UBR3: variants seen among roughly 807,000 people sequenced by gnomAD.
UBR3 encodes ubiquitin protein ligase E3 component n-recognin 3.
In UBR3, 85 loss-of-function variants were observed where a neutral mutation model predicts 243.2. The ratio of observed to expected loss-of-function variants is 0.35; its 90% confidence interval spans 0.29 to 0.42. The LOEUF is 0.42. Among genes scored for constraint, UBR3 ranks in the 10% least tolerant of loss-of-function variants. UBR3 has a pLI of 1.00. For missense variants in UBR3, 1,686 were observed against 2,300.8 expected (o/e 0.73, Z 5.47); for synonymous variants, 748 against 799.8 (o/e 0.94, Z 1.09).
At chr2:170,077,539 A>C in intron 36 of UBR3, 1 of 766,926 alleles carries the variant, frequency 1.3e-6, no homozygotes, top group Non-Finnish European at 2.1e-6. Flanking sequence ...ATCTCCAACA[A>C]AGCAGACTTT....
chr2:170,042,348 A>G (rs2090989138), intron 32 of UBR3, among the ~76,000 whole-genome samples: 1 of 152,112 alleles, frequency 6.6e-6, no homozygotes, highest in Non-Finnish European at 1.5e-5. Context: ...GATATACAAC[A>G]TGGTTTATCC....
chr2:169,924,147 C>G lies in UBR3; in HGVS notation c.1996C>G (p.Leu666Val). 1 of 1,547,466 alleles carries G rather than the reference C, an allele frequency of 6.5e-7. No homozygotes were observed. The highest frequency in any genetic ancestry group is 8.7e-7 in the Non-Finnish European group (1 of 1,145,834). The change falls in exon 13 of 39, where the codon CTA becomes GTA. Residue 666 changes from leucine to valine, a missense_variant. This residue lies in a region of UBR3 where 346 missense variants were observed against 585.8 expected (regional missense o/e 0.59). Coordinates refer to ENST00000272793, the MANE Select transcript of UBR3 (RefSeq NM_172070.4). ...VLPDQEMLMK[L>V]MIHPLQIQAS... ...ACCAGATCAGGAAATGTTAATGAAACTAATGATTCACCCACTCCAAATTCA... is the reference window on the plus strand; with the variant it reads ...ACCAGATCAGGAAATGTTAATGAAAGTAATGATTCACCCACTCCAAATTCA...
At chr2:169,863,339 A>G (rs2105303812) in intron 1 of UBR3, among the ~76,000 whole-genome samples, 1 of 152,346 alleles carries the variant, frequency 6.6e-6, no homozygotes, top group East Asian at 1.9e-4. Flanking sequence ...TGAGTTGCAT[A>G]CTTAACCTTT....
At chr2:170,040,819 A>G in intron 31 of UBR3, 63 bp from the exon 32 acceptor site, 1 of 1,223,766 alleles carries the variant, frequency 8.2e-7, no homozygotes. Flanking sequence ...TATGTGACAT[A>G]TAAAATAAAT....
chr2:170,059,564 GT>G (rs2091414885), intron 33 of UBR3, among the ~76,000 whole-genome samples: 1 of 152,100 alleles, frequency 6.6e-6, no homozygotes, highest in Non-Finnish European at 1.5e-5. Flanking sequence ...ATACATTGCT[GT>G]TTTGATATTT....
intron 24 of UBR3, among the ~76,000 whole-genome samples, chr2:169,970,948 A>G (rs1311937162): frequency 7.0e-6 from 1 of 142,032 alleles, no homozygotes; most frequent in African/African-American, 2.6e-5. Flanking sequence ...CCAACAGTGT[A>G]AAAGTGTTCC....
At chr2:169,855,612 A>C (rs2082815071) in intron 1 of UBR3, among the ~76,000 whole-genome samples, 1 of 152,108 alleles carries the variant, frequency 6.6e-6, no homozygotes, top group Non-Finnish European at 1.5e-5. Flanking sequence ...ACCGCCCTTA[A>C]TCCATTTAAC....
At chr2:169,873,249 C>T (rs1002548907) in intron 2 of UBR3, among the ~76,000 whole-genome samples, 39 of 152,026 alleles carry the variant, frequency 2.6e-4, no homozygotes, top group African/African-American at 8.9e-4. Flanking sequence ...ATATAATGTC[C>T]TCATTTCTAA....
chr2:169,941,597 T>C (rs952553760), intron 19 of UBR3, among the ~76,000 whole-genome samples: 2 of 152,246 alleles, frequency 1.3e-5, no homozygotes, highest in African/African-American at 4.8e-5. Context: ...ACCTAACTTT[T>C]ATTACAGTAT....
intron 11 of UBR3, among the ~76,000 whole-genome samples, chr2:169,914,869 TGTG>T (rs536674708): frequency 1.1e-3 from 55 of 51,830 alleles, no homozygotes; most frequent in Middle Eastern, 0.014. Context: ...TGTGTGTGTG[TGTG>T]TTTTTTTTCC....
intron 11 of UBR3, among the ~76,000 whole-genome samples, chr2:169,917,380 A>G (rs999484964): frequency 2.2e-4 from 33 of 152,306 alleles, no homozygotes; most frequent in African/African-American, 7.9e-4. Flanking sequence ...TTCTCAATCC[A>G]GTTTTCTTTG....
At chr2:169,873,282 T>G (rs2083489777) in intron 2 of UBR3, among the ~76,000 whole-genome samples, 1 of 152,184 alleles carries the variant, frequency 6.6e-6, no homozygotes, top group Admixed American at 6.5e-5. Flanking sequence ...ATCTTTATTG[T>G]GAGCAAACCA....
intron 19 of UBR3, among the ~76,000 whole-genome samples, chr2:169,934,612 G>A (rs2086255811): frequency 6.6e-6 from 1 of 152,154 alleles, no homozygotes; most frequent in Non-Finnish European, 1.5e-5. Flanking sequence ...ATTATACTGG[G>A]AGGGATCTTT....
At chr2:169,968,780 T>C (rs180849526) in intron 24 of UBR3, among the ~76,000 whole-genome samples, 1 of 152,350 alleles carries the variant, frequency 6.6e-6, no homozygotes, top group African/African-American at 2.4e-5. Flanking sequence ...TTTTTCATAG[T>C]TGCTATACTA....
intron 29 of UBR3, among the ~76,000 whole-genome samples, chr2:170,011,172 A>G (rs1293657688): frequency 6.6e-6 from 1 of 152,102 alleles, no homozygotes; most frequent in Non-Finnish European, 1.5e-5. Context: ...AACCCTGTCT[A>G]AAGAAATAAA....
intron 31 of UBR3, among the ~76,000 whole-genome samples, chr2:170,040,250 C>A (rs2090934314): frequency 6.6e-6 from 1 of 152,042 alleles, no homozygotes; most frequent in Non-Finnish European, 1.5e-5. Flanking sequence ...GCAATCCTCC[C>A]ACACACCACT....
At chr2:169,949,535 C>T (rs1456286567) in intron 22 of UBR3, 70 bp from the exon 23 acceptor site, 1 of 1,309,078 alleles carries the variant, frequency 7.6e-7, no homozygotes, top group East Asian at 2.5e-5. Flanking sequence ...AAATATAGTA[C>T]TAATATGTTT....
chr2:170,009,048 C>T, intron 29 of UBR3, 108 bp downstream of exon 29: 1 of 744,322 alleles, frequency 1.3e-6, no homozygotes, highest in Non-Finnish European at 1.9e-6. Flanking sequence ...TTTTTAATAT[C>T]AGTTGAAATT....
intron 5 of UBR3, among the ~76,000 whole-genome samples, chr2:169,886,106 G>A (rs1481871144): frequency 6.7e-6 from 1 of 149,042 alleles, no homozygotes; most frequent in African/African-American, 2.5e-5. Flanking sequence ...GAAGTGAGCC[G>A]AGATCGCGCC....
Sources: allele counts gnomAD v4.1 joint callset (sites outside exome capture counted in the v4.1 genomes callset), GRCh38; gene constraint gnomAD v4.1.1; regional missense constraint gnomAD v4.1.1; transcripts MANE v1.5; gene names NCBI Gene and HGNC (gene_info 2026-07-23, HGNC 2026-07-21).